The following FNIP2 variants were observed in gnomAD, a reference collection of about 807,000 sequenced individuals.
FNIP2 encodes the protein folliculin interacting protein 2.
FNIP2 carries 32 observed loss-of-function variants against 108.7 expected under a neutral mutation model. The ratio of observed to expected loss-of-function variants is 0.29; its 90% CI spans 0.22 to 0.40. The LOEUF (loss-of-function observed/expected upper bound fraction) is 0.40. FNIP2 is among the 10% of genes least tolerant of loss of function. The probability of loss-of-function intolerance (pLI) is 1.00; values close to 1 mark genes in which losing one functional copy is unlikely to be tolerated. For missense variants in FNIP2, 1,202 were observed against 1,381.6 expected (o/e 0.87, Z 2.06); for synonymous variants, 480 against 496.7 (o/e 0.97, Z 0.45).
intron 1 of FNIP2, among the ~76,000 whole-genome samples, chr4:158,824,588 T>C (rs143347916): frequency 1.3e-5 from 2 of 152,322 alleles, no homozygotes; most frequent in East Asian, 1.9e-4. Flanking sequence ...AGAACTCTTA[T>C]TATGAATTCT....
chr4:158,810,261 C>T (rs1777198756), intron 1 of FNIP2, among the ~76,000 whole-genome samples: 1 of 152,156 alleles, frequency 6.6e-6, no homozygotes. Context: ...AGCAGTTGGA[C>T]AGGTTGAATG....
At chr4:158,901,127 AATTTTTT>A (rs915833500) in intron 16 of FNIP2, among the ~76,000 whole-genome samples, 14 of 108,528 alleles carry the variant, frequency 1.3e-4, no homozygotes, top group Non-Finnish European at 2.2e-4. Flanking sequence ...TCTGGGTTGA[AATTTTTT>A]TTTTTTTTTT....
At chr4:158,793,047 A>C (rs1452385629) in intron 1 of FNIP2, among the ~76,000 whole-genome samples, 1 of 152,208 alleles carries the variant, frequency 6.6e-6, no homozygotes, top group East Asian at 1.9e-4. Context: ...GGTATAGTCA[A>C]AGTCTTGCTG....
At chr4:158,799,513 A>G (rs1245478561) in intron 1 of FNIP2, among the ~76,000 whole-genome samples, 1 of 152,198 alleles carries the variant, frequency 6.6e-6, no homozygotes, top group Non-Finnish European at 1.5e-5. Context: ...ACCTTACTTG[A>G]TAACAGAGTG....
intron 12 of FNIP2, among the ~76,000 whole-genome samples, chr4:158,863,386 C>G (rs1780401192): frequency 6.6e-6 from 1 of 152,184 alleles, no homozygotes; most frequent in African/African-American, 2.4e-5. Context: ...ATCCAGGTTC[C>G]TAAGTATAGA....
rs556552595 is a variant in FNIP2, at chr4:158,857,975, C to T, written c.858-1082C>T. Among the ~76,000 whole-genome samples, 247 of 152,162 alleles carry T rather than the reference C, an allele frequency of 1.6e-3. 1 individual carries two copies. The highest frequency in any genetic ancestry group is 5.8e-3 in the African/African-American group (241 of 41,486). On this transcript the variant is annotated intron_variant, in intron 8 of 16. Transcript: ENST00000264433. ...CAAAATTAATTAATTAATTTAATAG[C>T]TTTCCTGACCATAACACTTTTGGCA... is the stretch of plus-strand genomic sequence containing the variant.
chr4:158,835,336 C>G, intron 6 of FNIP2, 69 bp from the exon 7 acceptor site: 1 of 1,345,136 alleles, frequency 7.4e-7, no homozygotes, highest in Non-Finnish European at 1.1e-6. Flanking sequence ...TTAAAAATTA[C>G]TGCAGTCATT....
intron 1 of FNIP2, among the ~76,000 whole-genome samples, chr4:158,788,652 A>G (rs1413231049): frequency 6.6e-6 from 1 of 152,252 alleles, no homozygotes; most frequent in Non-Finnish European, 1.5e-5. Flanking sequence ...ACATATGGAC[A>G]GGCCTCTTGA....
chr4:158,893,736 A>G (rs369800736), intron 15 of FNIP2: 1 of 1,538,544 alleles, frequency 6.5e-7, no homozygotes, highest in South Asian at 1.2e-5. Flanking sequence ...GAAGTAATGT[A>G]TATTAGACTT....
intron 1 of FNIP2, among the ~76,000 whole-genome samples, chr4:158,800,872 CA>C (rs1204108615): frequency 8.5e-5 from 13 of 152,214 alleles, no homozygotes; most frequent in Non-Finnish European, 1.8e-4. Context: ...TTGATTCTTT[CA>C]GTTACTGGGT....
chr4:158,790,914 C>G (rs965660062), intron 1 of FNIP2, among the ~76,000 whole-genome samples: 1 of 151,966 alleles, frequency 6.6e-6, no homozygotes, highest in Non-Finnish European at 1.5e-5. Context: ...GCTAAATACA[C>G]ATTTTAAAGT....
chr4:158,835,070 A>T (rs555187541), intron 6 of FNIP2: 45 of 160,516 alleles, frequency 2.8e-4, no homozygotes, highest in Middle Eastern at 3.1e-3. Context: ...GAAAATGGCT[A>T]AAAAAAATTA....
At chr4:158,871,538 A>C in intron 14 of FNIP2, 1 of 985,404 alleles carries the variant, frequency 1.0e-6, no homozygotes, top group Non-Finnish European at 1.2e-6. Flanking sequence ...AAAAAAACTC[A>C]GTAGTGAAGC....
intron 15 of FNIP2, chr4:158,893,333 C>G (rs1782409309): frequency 5.3e-6 from 1 of 188,078 alleles, no homozygotes; most frequent in Admixed American, 5.7e-5. Flanking sequence ...CTTTCAAAGC[C>G]TTAATTTCCT....
intron 14 of FNIP2, among the ~76,000 whole-genome samples, chr4:158,873,190 T>C (rs926265337): frequency 6.6e-6 from 1 of 152,080 alleles, no homozygotes; most frequent in Admixed American, 6.5e-5. Context: ...GAACATTAAT[T>C]TCAGTGCTCA....
intron 7 of FNIP2, among the ~76,000 whole-genome samples, chr4:158,838,944 C>T (rs762413344): frequency 6.6e-6 from 1 of 152,140 alleles, no homozygotes; most frequent in Non-Finnish European, 1.5e-5. Context: ...ATGTTTTTCT[C>T]ATGATTACAC....
chr4:158,824,550 G>A (rs1389379351), intron 1 of FNIP2, among the ~76,000 whole-genome samples: 1 of 152,032 alleles, frequency 6.6e-6, no homozygotes, highest in African/African-American at 2.4e-5. Flanking sequence ...CTCTGCTGCT[G>A]GAGCTCTAGC....
chr4:158,856,653 C>A (rs1329784984), intron 8 of FNIP2, among the ~76,000 whole-genome samples: 1 of 152,108 alleles, frequency 6.6e-6, no homozygotes, highest in Non-Finnish European at 1.5e-5. Flanking sequence ...TTGCCAGTAT[C>A]CAAGTCATGA....
intron 6 of FNIP2, chr4:158,833,980 A>G (rs1040547187): frequency 4.9e-6 from 4 of 813,692 alleles, no homozygotes; most frequent in Non-Finnish European, 6.7e-6. Context: ...GTGCCTCTCT[A>G]GAAATCCAAG....
Sources: gnomAD v4.1 joint callset for allele counts (sites outside exome capture counted in the v4.1 genomes callset) on GRCh38, gnomAD v4.1.1 for gene constraint, MANE v1.5 for transcripts, NCBI Gene and HGNC (gene_info 2026-07-23, HGNC 2026-07-21) for gene names.